The following TSHZ3 variants were observed in gnomAD, a reference collection of about 807,000 sequenced individuals.
TSHZ3 encodes teashirt homolog 3.
A neutral mutation model predicts 64.5 loss-of-function variants in TSHZ3; 10 were observed. That is an observed-to-expected ratio of 0.16 (90% CI 0.10 to 0.26). The LOEUF is 0.26. Ranked by LOEUF, TSHZ3 falls within the 10% of genes least tolerant of loss-of-function variation. The pLI is 1.00. For missense variants in TSHZ3, 1,242 were observed against 1,421.7 expected, an observed-to-expected ratio of 0.87 and a Z score of 2.03; for synonymous variants, 608 against 593.1, an observed-to-expected ratio of 1.03 and a Z score of -0.36.
intron 1 of TSHZ3, among the ~76,000 whole-genome samples, chr19:31,255,527 T>C (rs893182818): frequency 3.3e-5 from 5 of 152,082 alleles, no homozygotes; most frequent in African/African-American, 1.2e-4. Flanking sequence ...CTTTTATGCA[T>C]GGCAGGGGCG....
chr19:31,169,516 G>A (rs1974505977), intron 5 of TSHZ3, among the ~76,000 whole-genome samples: 1 of 152,228 alleles, frequency 6.6e-6, no homozygotes, highest in Admixed American at 6.5e-5. Flanking sequence ...AGCTGGGGAA[G>A]ATGAAAGGAT....
chr19:31,256,994 C>T (rs1216474441), intron 1 of TSHZ3, among the ~76,000 whole-genome samples: 1 of 152,178 alleles, frequency 6.6e-6, no homozygotes, highest in Non-Finnish European at 1.5e-5. Flanking sequence ...GTTCCCTGTC[C>T]CTCTCTATCC....
Position 31,278,355 on chromosome 19 carries a change from C to A in TSHZ3, c.1438G>T (p.Val480Phe), listed in dbSNP as rs1976292098. The A allele has an allele frequency of 6.2e-7, 1 of 1,614,192 alleles. No homozygotes were observed. Among genetic ancestry groups the A allele is most frequent in the East Asian group, 2.2e-5 (1 of 44,882 alleles). Residue 480 changes from valine (V) to phenylalanine (F), a missense_variant, in exon 2 of 2, where the codon GTC (valine) becomes TTC (phenylalanine). By Grantham distance (50) the Val-to-Phe change is conservative (BLOSUM62 -1). Around this residue, in one of 4 missense-constraint regions of TSHZ3, gnomAD observed 555 missense variants for 704.0 expected, o/e 0.79. Coordinates refer to ENST00000240587, the MANE Select transcript of TSHZ3 (RefSeq NM_020856.4). The surrounding 1 kb of genome is among the most constrained non-coding windows in gnomAD (Gnocchi z 4.7). ...TTTTGCTTAGGTTTCTCGTCAGTGA[C>A]CGCTTTCTCCTTGTCGACTTCCTTC... ...VKKEVDKEKA[V>F]TDEKPKQKDK...
At chr19:31,284,301 C>A (rs1976416996) in intron 1 of TSHZ3, among the ~76,000 whole-genome samples, 1 of 151,994 alleles carries the variant, frequency 6.6e-6, no homozygotes, top group Non-Finnish European at 1.5e-5. Flanking sequence ...CCCAGTCCAG[C>A]CACTAGCATC....
rs1483419951 is a variant in TSHZ3, at chr19:31,201,020, C to G, written n.809+3936G>C. On this transcript the variant is annotated intron_variant and non_coding_transcript_variant, in intron 5 of 6. Coordinates refer to the TSHZ3 transcript ENST00000651361. Reference sequence around the variant, plus strand: ...TGGTGTCAGGGGAAAAAAATGTAGACAAATCAGTTAAAAAGAAGAAAATCT... The same window carrying G: ...TGGTGTCAGGGGAAAAAAATGTAGAGAAATCAGTTAAAAAGAAGAAAATCT... 2.6e-5 allele frequency among the ~76,000 whole-genome samples: 4 copies of G among 151,852 alleles called. No homozygotes were observed. The East Asian group carries it at 7.7e-4, about 29-fold the overall frequency.
At chr19:31,194,183 G>C (rs1974952728) in intron 5 of TSHZ3, among the ~76,000 whole-genome samples, 1 of 152,186 alleles carries the variant, frequency 6.6e-6, no homozygotes, top group Non-Finnish European at 1.5e-5. Context: ...ATAAACCTGA[G>C]AGTTAAAAAC....
At chr19:31,339,965 A>G (rs900609578) in intron 1 of TSHZ3, among the ~76,000 whole-genome samples, 3 of 151,964 alleles carry the variant, frequency 2.0e-5, no homozygotes, top group Non-Finnish European at 4.4e-5. Context: ...TTATTTATTT[A>G]TTTTTTAATG....
chr19:31,163,894 C>T (rs1370893110), intron 5 of TSHZ3, among the ~76,000 whole-genome samples: 1 of 152,162 alleles, frequency 6.6e-6, no homozygotes, highest in East Asian at 1.9e-4. Flanking sequence ...AGGCACCCTC[C>T]TAAGTGCTTC....
rs1478549283 is a variant in TSHZ3 at position 31,349,338 on chromosome 19, C to A, written c.-119G>T. 1.6e-5 allele frequency: 15 copies of A among 948,576 alleles called. No individual in the cohort carries two copies. Among genetic ancestry groups the A allele is most frequent in the East Asian group, 6.7e-5 (2 of 29,850 alleles). 58.8% of individuals were successfully genotyped at this position (948,576 alleles called of 1,614,324 possible). ...GCGGGCCTGCTCTCAGCCTCCCCCC[C>A]GGAGAGCGGCCGCCCGCAGGATGCT... On this transcript the variant is annotated 5_prime_UTR_variant, in exon 1 of 2. Transcript: ENST00000240587.
intron 1 of TSHZ3, among the ~76,000 whole-genome samples, chr19:31,247,048 G>GA: frequency 6.6e-6 from 1 of 152,080 alleles, no homozygotes; most frequent in Admixed American, 6.5e-5. Flanking sequence ...GAAAAAGAAG[G>GA]AAAAGCTCTT....
chr19:31,210,235 G>A (rs1352150626), intron 4 of TSHZ3, among the ~76,000 whole-genome samples: 1 of 152,108 alleles, frequency 6.6e-6, no homozygotes, highest in East Asian at 1.9e-4. Flanking sequence ...TGGGTTGGAG[G>A]GACTCTCAAG....
exon 7 of TSHZ3, among the ~76,000 whole-genome samples, chr19:31,151,210 T>C (rs938319989): frequency 1.3e-5 from 2 of 152,158 alleles, no homozygotes; most frequent in Admixed American, 1.3e-4. Context: ...CGGGAAAAGG[T>C]TGGCTGATTT....
At chr19:31,264,343 C>G (rs890995028) in intron 1 of TSHZ3, among the ~76,000 whole-genome samples, 1 of 152,206 alleles carries the variant, frequency 6.6e-6, no homozygotes, top group Non-Finnish European at 1.5e-5. Context: ...GGACCAAGTA[C>G]CAGTGGCCTA....
chr19:31,230,359 G>A (rs1347946931), intron 3 of TSHZ3, among the ~76,000 whole-genome samples: 1 of 152,044 alleles, frequency 6.6e-6, no homozygotes, highest in African/African-American at 2.4e-5. Context: ...GACTTTAAGA[G>A]GATAACCAAA....
chr19:31,286,234 G>C (rs1252368070), intron 1 of TSHZ3, among the ~76,000 whole-genome samples: 1 of 152,232 alleles, frequency 6.6e-6, no homozygotes, highest in Non-Finnish European at 1.5e-5. Context: ...ACAACTGCCT[G>C]AACTGAAGAA....
intron 1 of TSHZ3, among the ~76,000 whole-genome samples, chr19:31,257,122 G>C (rs1326492738): frequency 6.6e-6 from 1 of 152,150 alleles, no homozygotes. Context: ...CGCTTTGTAG[G>C]AGAGCCAGAG....
intron 4 of TSHZ3, among the ~76,000 whole-genome samples, chr19:31,213,026 C>G (rs1000941044): frequency 1.3e-5 from 2 of 151,926 alleles, no homozygotes; most frequent in South Asian, 4.1e-4. Flanking sequence ...ACAATTTCAA[C>G]CATACGACAT....
At chr19:31,291,943 A>G (rs1976573613) in intron 1 of TSHZ3, among the ~76,000 whole-genome samples, 1 of 152,190 alleles carries the variant, frequency 6.6e-6, no homozygotes, top group African/African-American at 2.4e-5. Context: ...ACAGTGAAAC[A>G]TGGCTTCCGG....
chr19:31,323,768 A>C (rs1273584654), intron 1 of TSHZ3, among the ~76,000 whole-genome samples: 1 of 151,806 alleles, frequency 6.6e-6, no homozygotes, highest in Non-Finnish European at 1.5e-5. Flanking sequence ...CCCCATCCAC[A>C]ATCACCTTCC....
Sources: gnomAD v4.1 joint callset for allele counts (sites outside exome capture counted in the v4.1 genomes callset) on GRCh38, gnomAD v4.1.1 for gene constraint, gnomAD v4.1.1 regional missense constraint, Gnocchi (gnomAD v3.1) non-coding constraint, MANE v1.5 for transcripts, NCBI Gene and HGNC (gene_info 2026-07-23, HGNC 2026-07-21) for gene names.